Variants in DNAI4 observed in about 807,000 individuals in gnomAD.
DNAI4 encodes WD repeat domain 78.
In DNAI4, 85 loss-of-function variants were observed where a neutral mutation model predicts 105.8. That is an observed-to-expected ratio of 0.80 (90% CI 0.67 to 0.96). The LOEUF (loss-of-function observed/expected upper bound fraction) is 0.96. DNAI4 is among the 40% of genes least tolerant of loss of function. DNAI4 has a pLI of 0.00. For synonymous variants in DNAI4, 352 were observed against 331.5 expected, an observed-to-expected ratio of 1.06 and a Z score of -0.67; for missense variants, 1,014 against 1,005.6, an observed-to-expected ratio of 1.01 and a Z score of -0.11.
At chr1:66,920,346 C>T (rs1650381353) in intron 1 of DNAI4, among the ~76,000 whole-genome samples, 1 of 152,166 alleles carries the variant, frequency 6.6e-6, no homozygotes, top group African/African-American at 2.4e-5. Context: ...CATTTACCAG[C>T]TTCAACTCTC....
intron 4 of DNAI4, among the ~76,000 whole-genome samples, chr1:66,881,931 T>C (rs1647080392): frequency 6.6e-6 from 1 of 152,194 alleles, no homozygotes. Context: ...TGTGCTGTTC[T>C]TGTAATAGTG....
In DNAI4 at chr1:66,890,822, A is replaced by G; in HGVS notation, c.643+332T>C. 1 of 333,082 alleles carries G rather than the reference A, an allele frequency of 3.0e-6. No individual in the cohort carries two copies. 20.6% of individuals were successfully genotyped at this position (333,082 alleles called of 1,614,324 possible). A position where few individuals can be genotyped will look rare whatever the true frequency, so the allele number is the denominator to read the frequency against. On this transcript the variant is annotated intron_variant, in intron 4 of 16. Coordinates refer to ENST00000371026, the MANE Select transcript of DNAI4 (RefSeq NM_024763.5). This position sits in a 1 kb window ranked among gnomAD's most constrained non-coding sequence, Gnocchi z 4.1. ...GAGGAAGAAGAGGAAAAGAAGAGGA[A>G]AAGAGGAAGAGGAAGAAAAGGAAGA... is the stretch of plus-strand genomic sequence containing the variant.
At position 66,893,013 on chromosome 1, in the gene DNAI4, G is replaced by GAAA. The variant is rs1363213870; in HGVS notation, c.530+215_530+216insTTT. Among the ~76,000 whole-genome samples, 193 of 106,702 alleles carry GAAA rather than the reference G, an allele frequency of 1.8e-3. 12 individuals are homozygous for GAAA. Among genetic ancestry groups the GAAA allele is most frequent in the Middle Eastern group, 7.1e-3 (1 of 140 alleles). The allele number at this position is 106,702 out of a possible 152,430, so 70.0% of individuals were successfully genotyped here. A position where few individuals can be genotyped will look rare whatever the true frequency, so the allele number is the denominator to read the frequency against. ...AGAAAGAAAGAGAGAAAGAGAGAGA[G>GAAA]GAAAGAAAGAAAGAAAGAGAGGAAA... On this transcript the variant is annotated intron_variant, in intron 3 of 16. Coordinates refer to ENST00000371026, the MANE Select transcript of DNAI4 (RefSeq NM_024763.5).
intron 2 of DNAI4, among the ~76,000 whole-genome samples, chr1:66,903,158 C>T (rs1042636832): frequency 6.6e-6 from 1 of 152,176 alleles, no homozygotes; most frequent in Admixed American, 6.5e-5. Context: ...ACTATTACGC[C>T]TTCCAATCTA....
chr1:66,893,005 GAGAGAGAGGAA>G (rs1557964761), intron 3 of DNAI4, among the ~76,000 whole-genome samples: 4 of 109,380 alleles, frequency 3.7e-5, no homozygotes, highest in African/African-American at 1.1e-4. Context: ...AAGAGAGAAA[GAGAGAGAGGAA>G]AGAAAGAAAG....
intron 9 of DNAI4, among the ~76,000 whole-genome samples, chr1:66,839,961 T>C (rs1261035058): frequency 6.6e-6 from 1 of 152,214 alleles, no homozygotes; most frequent in African/African-American, 2.4e-5. Flanking sequence ...TAAAACACAA[T>C]AGTGCCTGCT....
At chr1:66,858,505 C>T (rs1332982391) in intron 7 of DNAI4, among the ~76,000 whole-genome samples, 2 of 137,332 alleles carry the variant, frequency 1.5e-5, no homozygotes, top group African/African-American at 5.6e-5. Context: ...AGCATTCCAG[C>T]CTGGGCAACA....
intron 2 of DNAI4, 45 bp from the exon 3 acceptor site, chr1:66,893,458 G>A: frequency 2.3e-6 from 3 of 1,332,378 alleles, no homozygotes; most frequent in South Asian, 2.0e-5. Context: ...AAAAAGACAG[G>A]GCTTCTAAAT....
intron 16 of DNAI4, among the ~76,000 whole-genome samples, chr1:66,814,961 G>T (rs1645486893): frequency 6.6e-6 from 1 of 152,140 alleles, no homozygotes; most frequent in Admixed American, 6.6e-5. Flanking sequence ...AAGATGGGAG[G>T]TGAGTTTTTA....
At chr1:66,824,227 C>T (rs373203428) in intron 15 of DNAI4, among the ~76,000 whole-genome samples, 34 of 141,670 alleles carry the variant, frequency 2.4e-4, no homozygotes, top group African/African-American at 6.3e-4. Context: ...TGTAGATATG[C>T]GGCATTATTT....
At chr1:66,900,644 A>G (rs1040888804) in intron 2 of DNAI4, among the ~76,000 whole-genome samples, 1 of 152,102 alleles carries the variant, frequency 6.6e-6, no homozygotes. Flanking sequence ...ATTCCTAAGT[A>G]TTTTACTGTT....
intron 10 of DNAI4, among the ~76,000 whole-genome samples, chr1:66,836,316 GAAAGA>G (rs1341995535): frequency 2.1e-5 from 3 of 144,154 alleles, no homozygotes; most frequent in Non-Finnish European, 3.1e-5. Context: ...AAGAAAGAAA[GAAAGA>G]AAGAAGGAAA....
chr1:66,819,638 T>C (rs1001777398), intron 16 of DNAI4, among the ~76,000 whole-genome samples: 1 of 152,140 alleles, frequency 6.6e-6, no homozygotes, highest in African/African-American at 2.4e-5. Flanking sequence ...GCAACTTATA[T>C]TGATAGATTA....
In DNAI4 at chr1:66,892,992, A is replaced by AGAGAG. The variant is rs1553227533; in HGVS notation, c.530+236_530+237insCTCTC. Among the ~76,000 whole-genome samples the AGAGAG allele has an allele frequency of 7.2e-4, 82 of 114,668 alleles. 1 individual carries two copies. Among genetic ancestry groups the AGAGAG allele is most frequent in the African/African-American group, 3.0e-3 (79 of 26,454 alleles). 75.2% of individuals were successfully genotyped at this position (114,668 alleles called of 152,430 possible). On this transcript the variant is annotated intron_variant, in intron 3 of 16. Transcript: ENST00000371026. ...AAGAAAGAAAGAAAGAAAGAAAGAA[A>AGAGAG]GAAAGAGAGAAAGAGAGAGAGGAAA... is the stretch of plus-strand genomic sequence containing the variant.
chr1:66,862,003 G>A, intron 7 of DNAI4, 144 bp downstream of exon 7: 5 of 753,098 alleles, frequency 6.6e-6, no homozygotes, highest in Admixed American at 7.8e-5. Flanking sequence ...AAGACCATGT[G>A]ATAGAGTAAT....
intron 16 of DNAI4, among the ~76,000 whole-genome samples, chr1:66,817,757 G>A (rs114017682): frequency 6.6e-6 from 1 of 152,160 alleles, no homozygotes; most frequent in Non-Finnish European, 1.5e-5. Context: ...GCAGACTTCT[G>A]TGAGATGATG....
intron 1 of DNAI4, among the ~76,000 whole-genome samples, chr1:66,916,657 C>A (rs1414368780): frequency 6.6e-6 from 1 of 152,128 alleles, no homozygotes; most frequent in Non-Finnish European, 1.5e-5. Flanking sequence ...TGATGCAAGA[C>A]CAGTATATGG....
chr1:66,898,695 T>C (rs1648546762), intron 2 of DNAI4, among the ~76,000 whole-genome samples: 2 of 152,280 alleles, frequency 1.3e-5, no homozygotes, highest in South Asian at 2.1e-4. Context: ...TCGAGAAATG[T>C]CAGAAATACA....
At chr1:66,887,475 AG>A (rs1164502943) in intron 4 of DNAI4, among the ~76,000 whole-genome samples, 1 of 152,136 alleles carries the variant, frequency 6.6e-6, no homozygotes, top group South Asian at 2.1e-4. Context: ...TAGGTCTGGG[AG>A]GGGGGAAGTT....
Sources: gnomAD v4.1 joint callset for allele counts (sites outside exome capture counted in the v4.1 genomes callset) on GRCh38, gnomAD v4.1.1 for gene constraint, Gnocchi (gnomAD v3.1) non-coding constraint, MANE v1.5 for transcripts, NCBI Gene and HGNC (gene_info 2026-07-23, HGNC 2026-07-21) for gene names.